The following FAM217A variants were observed in gnomAD, a reference collection of about 807,000 sequenced individuals.
The protein encoded by FAM217A is family with sequence similarity 217 member A, also known as protein FAM217A.
A neutral mutation model predicts 18.5 loss-of-function variants in FAM217A; 13 were observed. The observed-to-expected ratio is 0.70, with a 90% CI of 0.46 to 1.12. FAM217A has a LOEUF of 1.12. Ranked by LOEUF, FAM217A falls within the 50% of genes most tolerant of loss-of-function variation. The probability of loss-of-function intolerance (pLI) is 0.00; values close to 1 mark genes in which losing one functional copy is unlikely to be tolerated. For missense variants in FAM217A, 560 were observed against 575.4 expected, an observed-to-expected ratio of 0.97 and a Z score of 0.27; for synonymous variants, 161 against 202.8, an observed-to-expected ratio of 0.79 and a Z score of 1.75.
intron 1 of FAM217A, among the ~76,000 whole-genome samples, chr6:4,077,691 T>C (rs568714245): frequency 6.6e-6 from 1 of 152,204 alleles, no homozygotes; most frequent in South Asian, 2.1e-4. Context: ...ATTAGGAAAT[T>C]GAGATCAGAG....
rs764258465 is a variant in FAM217A at position 4,074,563 on chromosome 6, C to G, written c.145+14G>C. The stretch of plus-strand genomic sequence containing the variant: ...ATTCTTTCAGTATAAGTATACACAT[C>G]TAGGATTTCTTACCACCTGCTGCTC... On this transcript the variant is annotated intron_variant, in intron 3 of 6. Transcript: ENST00000274673. 1.2e-6 allele frequency: 2 copies of G among 1,606,446 alleles called. No homozygotes were observed. Among genetic ancestry groups the G allele is most frequent in the East Asian group, 2.2e-5 (1 of 44,798 alleles).
At chr6:4,074,363 A>C in intron 4 of FAM217A, 80 bp downstream of exon 4, 2 of 1,237,128 alleles carry the variant, frequency 1.6e-6, no homozygotes, top group South Asian at 1.5e-5. Context: ...AACTTTCAGG[A>C]AGAAAATTTT....
chr6:4,086,963 T>C (rs1316737469), intron 1 of FAM217A: 5 of 399,066 alleles, frequency 1.3e-5, no homozygotes, highest in African/African-American at 2.1e-5. Context: ...GTTTTCTTGG[T>C]ATTAGTTTGG....
rs149145074 is a variant in FAM217A at position 4,069,203 on chromosome 6, A to C, written c.1020T>G (p.Ser340Arg). The change falls in exon 7 of 7, where the codon AGT becomes AGG. Residue 340 changes from serine to arginine, a missense_variant. By Grantham distance (110) the Ser-to-Arg change is moderately radical. Transcript: ENST00000274673. The stretch of plus-strand genomic sequence containing the variant: ...TTTTATCTACACAAGGTATCTGAAG[A>C]CTCAAAGAGTCGCAAAGTTTTGGCT... The part of the protein sequence containing the change: ...VRQPKLCDSL[S>R]LQIPCVDKSQ... 6.3e-3 allele frequency: 10,164 copies of C among 1,614,084 alleles called. 48 individuals carry two copies. Among genetic ancestry groups the C allele is most frequent in the Non-Finnish European group, 7.3e-3 (8,591 of 1,180,008 alleles).
chr6:4,084,531 A>C (rs1352343067), intron 2 of FAM217A: 10 of 697,670 alleles, frequency 1.4e-5, no homozygotes, highest in Non-Finnish European at 2.4e-5. Flanking sequence ...GCCTTATATC[A>C]CAAATTCACT....
Position 4,069,157 on chromosome 6 carries a change from T to C in FAM217A, c.1066A>G (p.Asn356Asp). ...TGTTCAAGCTTACAAGAACCAGAGT[T>C]GTTTTTACTTTTTTCTTGACTTTTA... ...VDKSQEKSKN[N>D]SGSCKLEQNA... The change falls in exon 7 of 7, where the codon AAC (asparagine) becomes GAC (aspartate). Residue 356 changes from asparagine to aspartate, a missense_variant. By Grantham distance (23) the Asn-to-Asp change is conservative. Coordinates refer to ENST00000274673, the MANE Select transcript of FAM217A (RefSeq NM_173563.3). 1 of 1,613,962 alleles carries C rather than the reference T, an allele frequency of 6.2e-7. No individual in the cohort carries two copies. The highest frequency in any genetic ancestry group is 8.5e-7 in the Non-Finnish European group (1 of 1,180,004).
chr6:4,079,641 T>TCCAC (rs1561929627), upstream of FAM217A: 1 of 1,166,936 alleles, frequency 8.6e-7, no homozygotes, highest in Non-Finnish European at 1.1e-6. Context: ...CCACCCTCCA[T>TCCAC]TCCCACCGCC....
chr6:4,070,017 A>C (rs1769299846), intron 6 of FAM217A, 97 bp from the exon 7 acceptor site: 9 of 917,668 alleles, frequency 9.8e-6, no homozygotes, highest in Admixed American at 3.2e-5. Flanking sequence ...AGATTGGTTA[A>C]TGTTTAGTTC....
At chr6:4,082,025 T>C (rs1322271417), upstream of FAM217A, among the ~76,000 whole-genome samples, 3 of 152,248 alleles carry the variant, frequency 2.0e-5, no homozygotes, top group Admixed American at 2.0e-4. Flanking sequence ...GTTCCTTTCA[T>C]ATTATCACCC....
At position 4,074,649 on chromosome 6, in the gene FAM217A, A is replaced by T; in HGVS notation, c.73T>A (p.Trp25Arg). 1 of 1,608,482 alleles carries T rather than the reference A, an allele frequency of 6.2e-7. No homozygotes were observed. Among genetic ancestry groups the T allele is most frequent in the African/African-American group, 1.3e-5 (1 of 74,906 alleles). ...ACAGGTACTTCTGAATCCAAATTCCAGTGAGATAAGTTCTAAAACAATATT... is the reference window on the plus strand; with the variant it reads ...ACAGGTACTTCTGAATCCAAATTCCTGTGAGATAAGTTCTAAAACAATATT... Reference protein sequence around the residue: ...SNISQENLSHWNLDSEVPVSE... With the variant: ...SNISQENLSHRNLDSEVPVSE... The change falls in exon 3 of 7, where the codon TGG becomes AGG. Residue 25 changes from tryptophan to arginine, a missense_variant. Transcript: ENST00000274673.
At chr6:4,084,607 A>G (rs1218344549) in exon 2 of FAM217A, 1 of 702,926 alleles carries the variant, frequency 1.4e-6, no homozygotes, top group East Asian at 2.7e-5. Context: ...TGTAACTTGA[A>G]GTCCCTTTCT....
chr6:4,078,921 G>A lies in FAM217A; in HGVS notation c.-104C>T, dbSNP rs1186173067. 8.6e-6 allele frequency: 5 copies of A among 582,400 alleles called. No homozygotes were observed. The highest frequency in any genetic ancestry group is 2.9e-5 in the Admixed American group (1 of 34,160). The allele number at this position is 582,400 out of a possible 1,614,324, so 36.1% of individuals were successfully genotyped here. On this transcript the variant is annotated 5_prime_UTR_variant, in exon 1 of 7. Transcript: ENST00000274673. ...GCCGCCCCGAGGCCCGAGCGCCTCC[G>A]CGTGCGTGGCTGACGGCTTGGAGGG...
At chr6:4,070,190 A>G (rs1230598253) in intron 6 of FAM217A, among the ~76,000 whole-genome samples, 1 of 152,228 alleles carries the variant, frequency 6.6e-6, no homozygotes, top group Admixed American at 6.5e-5. Flanking sequence ...TAAAACGGCT[A>G]ACTGTAGCTG....
rs1254235038 is a variant in FAM217A, at chr6:4,069,402, A to G, written c.821T>C (p.Val274Ala). 6.2e-7 allele frequency: 1 copy of G among 1,614,058 alleles called. No homozygotes were observed. The highest frequency in any genetic ancestry group is 1.3e-5 in the African/African-American group (1 of 74,934). The change falls in exon 7 of 7, where the codon GTG becomes GCG. Residue 274 changes from valine (V) to alanine (A), a missense_variant. Transcript: ENST00000274673. ...AGAGGTTTCTGCAGGGTCCACTGTC[A>G]CTTTCCAATTGTCAGATTTGGAGAG... ...LALSKSDNWKVTVDPAETSVE... is the reference protein window; with the variant it reads ...LALSKSDNWKATVDPAETSVE...
intron 4 of FAM217A, 82 bp downstream of exon 4, chr6:4,074,361 G>T: frequency 1.6e-6 from 2 of 1,214,360 alleles, no homozygotes; most frequent in Non-Finnish European, 2.3e-6. Flanking sequence ...TTAACTTTCA[G>T]GAAGAAAATT....
upstream of FAM217A, among the ~76,000 whole-genome samples, chr6:4,081,698 G>A (rs558656505): frequency 2.6e-5 from 4 of 152,194 alleles, no homozygotes; most frequent in East Asian, 3.8e-4. Context: ...GAAAAATTGC[G>A]AATGGGAGTA....
In FAM217A at chr6:4,073,463, A is replaced by G; in HGVS notation, c.204T>C (p.Asn68=). 6.2e-7 allele frequency: 1 copy of G among 1,613,576 alleles called. No individual in the cohort carries two copies. The highest frequency in any genetic ancestry group is 8.5e-7 in the Non-Finnish European group (1 of 1,179,780). The change falls in exon 5 of 7, where the codon AAT becomes AAC. Residue 68 remains asparagine, a synonymous_variant. Coordinates refer to ENST00000274673, the MANE Select transcript of FAM217A (RefSeq NM_173563.3). ...IPVEQLMLEP[N]LSVHSQKSTQ... ...TACTTTTTTGACTATGCACCGACAA[A>G]TTAGGTTCTAGCATCAGTTGCTCCA...
upstream of FAM217A, chr6:4,079,332 T>G: frequency 4.8e-6 from 1 of 208,064 alleles, no homozygotes. Context: ...TCAGGCCCTG[T>G]CCCTGCGCCC....
rs1311757941 is a variant in FAM217A, at chr6:4,085,203, G to A, written c.19-393C>T. Among the ~76,000 whole-genome samples the A allele has an allele frequency of 3.9e-5, 6 of 151,922 alleles. No individual in the cohort carries two copies. The South Asian group carries it at 8.3e-4, about 21-fold the overall frequency. On this transcript the variant is annotated intron_variant, in intron 1 of 8. Transcript: ENST00000639338. ...GTTAGCAGCAGAATATTTGCCAGGCGTCATTCATGACGGGTCTTTCCCATC... is the reference window on the plus strand; with the variant it reads ...GTTAGCAGCAGAATATTTGCCAGGCATCATTCATGACGGGTCTTTCCCATC...
Sources: allele counts gnomAD v4.1 joint callset (sites outside exome capture counted in the v4.1 genomes callset), GRCh38; gene constraint gnomAD v4.1.1; transcripts MANE v1.5; gene names NCBI Gene and HGNC (gene_info 2026-07-23, HGNC 2026-07-21).